RASGRF2: variants seen among roughly 807,000 people sequenced by gnomAD.
RASGRF2 encodes the protein Ras protein specific guanine nucleotide releasing factor 2.
Under a neutral mutation model 151.0 loss-of-function variants are expected in RASGRF2, and 76 were observed. The ratio of observed to expected loss-of-function variants is 0.50; its 90% CI spans 0.42 to 0.61. The LOEUF (loss-of-function observed/expected upper bound fraction) is 0.61. RASGRF2 is among the 20% of genes least tolerant of loss of function. RASGRF2 has a pLI of 0.00. For missense variants in RASGRF2, 1,148 were observed against 1,564.6 expected, an observed-to-expected ratio of 0.73 and a Z score of 4.49; for synonymous variants, 504 against 566.5, an observed-to-expected ratio of 0.89 and a Z score of 1.57.
intron 9 of RASGRF2, 64 bp downstream of exon 9, chr5:81,087,017 C>T: frequency 1.4e-6 from 2 of 1,442,274 alleles, no homozygotes; most frequent in South Asian, 1.2e-5. Context: ...GATCTCGGCA[C>T]ACCCCGGAAG....
Position 81,146,026 on chromosome 5 carries a change from A to AC in RASGRF2, c.2686+18866dup, listed in dbSNP as rs374953540. ...CTGGGCATCCCCTGTGGAACACAGCACCCTGGGCTTATACTCAACCAAATG... is the reference window on the plus strand; with the variant it reads ...CTGGGCATCCCCTGTGGAACACAGCACCCCTGGGCTTATACTCAACCAAATG... On this transcript the variant is annotated intron_variant, in intron 17 of 26. Coordinates refer to ENST00000265080, the MANE Select transcript of RASGRF2 (RefSeq NM_006909.3). Among the ~76,000 whole-genome samples, 556 of 152,250 alleles carry AC rather than the reference A, an allele frequency of 3.7e-3. 1 individual carries two copies. Among genetic ancestry groups the AC allele is most frequent in the African/African-American group, 0.013 (539 of 41,550 alleles).
At chr5:81,130,285 A>C (rs1753582149) in intron 17 of RASGRF2, among the ~76,000 whole-genome samples, 1 of 152,186 alleles carries the variant, frequency 6.6e-6, no homozygotes, top group South Asian at 2.1e-4. Flanking sequence ...GATGTTGCCT[A>C]TCATGCAGTC....
chr5:81,047,810 T>G (rs1218462052), intron 2 of RASGRF2, among the ~76,000 whole-genome samples: 2 of 152,192 alleles, frequency 1.3e-5, no homozygotes, highest in Non-Finnish European at 2.9e-5. Flanking sequence ...TGGATCTGTT[T>G]TTAATGTTTA....
chr5:81,160,353 G>A (rs1754352893), intron 17 of RASGRF2, among the ~76,000 whole-genome samples: 1 of 152,114 alleles, frequency 6.6e-6, no homozygotes, highest in Non-Finnish European at 1.5e-5. Context: ...CCCTGGAGAT[G>A]GAGGTTGCAG....
chr5:81,195,066 C>T (rs1038080232), intron 18 of RASGRF2, among the ~76,000 whole-genome samples: 2 of 152,224 alleles, frequency 1.3e-5, no homozygotes, highest in Non-Finnish European at 2.9e-5. Flanking sequence ...TTGATAACTT[C>T]AATAAGTACC....
intron 1 of RASGRF2, among the ~76,000 whole-genome samples, chr5:80,976,187 A>T (rs1458864704): frequency 6.6e-6 from 1 of 152,186 alleles, no homozygotes; most frequent in Non-Finnish European, 1.5e-5. Context: ...TAACTTGTTA[A>T]TTTTTATGAA....
At chr5:81,099,138 T>C (rs1433459756) in intron 12 of RASGRF2, among the ~76,000 whole-genome samples, 1 of 152,214 alleles carries the variant, frequency 6.6e-6, no homozygotes, top group Non-Finnish European at 1.5e-5. Flanking sequence ...AAAGAACCTC[T>C]GTCCTGAAGA....
intron 1 of RASGRF2, among the ~76,000 whole-genome samples, chr5:80,984,981 G>T (rs139743796): frequency 0.14 from 21,277 of 152,200 alleles, 1,996 homozygotes; most frequent in Non-Finnish European, 0.21. Context: ...AGGCGAAGGC[G>T]AGTGGATCAC....
intron 15 of RASGRF2, among the ~76,000 whole-genome samples, chr5:81,116,066 CTTTTTTTTTTTTTTTTT>C (rs575647502): frequency 0.07 from 3,425 of 49,226 alleles, 111 homozygotes; most frequent in Middle Eastern, 0.24. Context: ...AATGCCATTT[CTTTTTTTTTTTTTTTTT>C]TTTTTTTTTT....
chr5:81,213,616 T>C, intron 23 of RASGRF2, among the ~76,000 whole-genome samples: 1 of 152,198 alleles, frequency 6.6e-6, no homozygotes, highest in East Asian at 1.9e-4. Flanking sequence ...GAGACACTCA[T>C]TATTTCTTTT....
At chr5:81,028,513 A>G (rs1030683851) in intron 1 of RASGRF2, among the ~76,000 whole-genome samples, 73 of 152,230 alleles carry the variant, frequency 4.8e-4, no homozygotes, top group African/African-American at 1.7e-3. Flanking sequence ...ATATAATTTA[A>G]AAAGTACATT....
rs1034876896 is a variant in RASGRF2, at chr5:81,140,954, G to T, written c.2686+13791G>T. On this transcript the variant is annotated intron_variant, in intron 17 of 26. Transcript: ENST00000265080. ...CCCCTGCAGATTGTTGCCATGAGGGGCTGCAGGACTAGGGCTGTCAGATGT... is the reference window on the plus strand; with the variant it reads ...CCCCTGCAGATTGTTGCCATGAGGGTCTGCAGGACTAGGGCTGTCAGATGT... 5.9e-5 allele frequency among the ~76,000 whole-genome samples: 9 copies of T among 151,680 alleles called. 1 individual carries two copies. Among genetic ancestry groups the T allele is most frequent in the African/African-American group, 2.2e-4 (9 of 41,332 alleles).
chr5:81,215,259 T>G (rs1453473784), intron 23 of RASGRF2, among the ~76,000 whole-genome samples: 1 of 150,100 alleles, frequency 6.7e-6, no homozygotes, highest in Non-Finnish European at 1.5e-5. Flanking sequence ...ACATGCTGAA[T>G]ATAGAATCTT....
intron 15 of RASGRF2, among the ~76,000 whole-genome samples, chr5:81,120,303 A>G (rs937831585): frequency 6.6e-6 from 1 of 152,210 alleles, no homozygotes; most frequent in Non-Finnish European, 1.5e-5. Flanking sequence ...GTAGCTGGAC[A>G]TGGTGGCTCA....
chr5:80,987,774 A>G (rs1748518592), intron 1 of RASGRF2, among the ~76,000 whole-genome samples: 1 of 152,200 alleles, frequency 6.6e-6, no homozygotes, highest in Non-Finnish European at 1.5e-5. Context: ...ACTTCATGAC[A>G]TACATTCTAT....
chr5:81,078,605 T>A (rs558514707), intron 5 of RASGRF2, among the ~76,000 whole-genome samples: 1 of 152,366 alleles, frequency 6.6e-6, no homozygotes, highest in South Asian at 2.1e-4. Flanking sequence ...TTAACTAGAT[T>A]CCCTTTACAT....
At chr5:80,971,842 A>T (rs1747946777) in intron 1 of RASGRF2, among the ~76,000 whole-genome samples, 1 of 151,980 alleles carries the variant, frequency 6.6e-6, no homozygotes, top group African/African-American at 2.4e-5. Context: ...AAGTGCTGGG[A>T]TTACAGGCAT....
intron 18 of RASGRF2, among the ~76,000 whole-genome samples, chr5:81,197,385 A>G (rs1249890702): frequency 1.4e-5 from 2 of 138,128 alleles, no homozygotes; most frequent in Admixed American, 1.6e-4. Flanking sequence ...GAACCCGGGA[A>G]GCGGAGCTTG....
intron 17 of RASGRF2, among the ~76,000 whole-genome samples, chr5:81,162,488 C>G (rs1754407530): frequency 6.6e-6 from 1 of 152,182 alleles, no homozygotes; most frequent in Non-Finnish European, 1.5e-5. Context: ...GCTGGGACTA[C>G]AGGCACATGC....
Sources: allele counts gnomAD v4.1 joint callset (sites outside exome capture counted in the v4.1 genomes callset), GRCh38; gene constraint gnomAD v4.1.1; transcripts MANE v1.5; gene names NCBI Gene and HGNC (gene_info 2026-07-23, HGNC 2026-07-21).